The following BCAS3 variants were observed in gnomAD, a reference collection of about 807,000 sequenced individuals.
The protein encoded by BCAS3 is BCAS3 microtubule associated cell migration factor, also known as BCAS4/BCAS3 fusion.
A neutral mutation model predicts 116.1 loss-of-function variants in BCAS3; 53 were observed. The ratio of observed to expected loss-of-function variants is 0.46; its 90% CI spans 0.37 to 0.57. The LOEUF (loss-of-function observed/expected upper bound fraction) is 0.57. Ranked by LOEUF, BCAS3 falls within the 20% of genes least tolerant of loss-of-function variation. The probability of loss-of-function intolerance (pLI) is 0.00; values close to 1 mark genes in which losing one functional copy is unlikely to be tolerated. For missense variants in BCAS3, 917 were observed against 1,165.4 expected (o/e 0.79, Z 3.10); for synonymous variants, 391 against 408.2 (o/e 0.96, Z 0.51).
chr17:61,288,404 G>A (rs1269754392), intron 22 of BCAS3, among the ~76,000 whole-genome samples: 1 of 152,174 alleles, frequency 6.6e-6, no homozygotes, highest in Non-Finnish European at 1.5e-5. Context: ...GTGGATCCAG[G>A]CAGCAAGGGC....
chr17:61,034,117 G>T lies in BCAS3; in HGVS notation c.1638-549G>T, dbSNP rs1396881395. ...TGATTAGCTATTCTTCCCTTGCACT[G>T]TCTAACTCTCCATAGCATTGTGGCC... On this transcript the variant is annotated intron_variant, in intron 16 of 23. Coordinates refer to ENST00000407086, the MANE Select transcript of BCAS3 (RefSeq NM_017679.5). The surrounding 1 kb of genome is among the most constrained non-coding windows in gnomAD (Gnocchi z 5.0). Among the ~76,000 whole-genome samples, 1 of 152,098 alleles carries T rather than the reference G, an allele frequency of 6.6e-6. No homozygotes were observed. The highest frequency in any genetic ancestry group is 1.9e-4 in the East Asian group (1 of 5,190).
chr17:61,388,387 G>T lies in BCAS3; in HGVS notation c.2594-3590G>T. 8.1e-6 allele frequency: 4 copies of T among 493,236 alleles called. No individual in the cohort carries two copies. In the South Asian group the frequency reaches 9.9e-5, roughly 12 times the overall value. The allele number at this position is 493,236 out of a possible 1,614,324, so 30.6% of individuals were successfully genotyped here. On this transcript the variant is annotated intron_variant, in intron 23 of 23. Transcript: ENST00000407086. The surrounding 1 kb of genome is among the most constrained non-coding windows in gnomAD (Gnocchi z 6.5). ...CTCCCCCTCCCCCACTCTGAACGGG[G>T]TCTTGGCCCCCTCTGTCACAGCAGA...
At chr17:60,810,840 A>T in intron 7 of BCAS3, 1 of 700,238 alleles carries the variant, frequency 1.4e-6, no homozygotes, top group Non-Finnish European at 2.6e-6. Context: ...AAGTCCTACA[A>T]GCCCAGACTG....
chr17:60,924,356 G>T lies in BCAS3; in HGVS notation c.994-51G>T, dbSNP rs372993220. ...TGCCTTCTTATAGGCTTCAAGCTCGGTTATCAGTGAGAAAATATTTACCTC... is the reference window on the plus strand; with the variant it reads ...TGCCTTCTTATAGGCTTCAAGCTCGTTTATCAGTGAGAAAATATTTACCTC... On this transcript the variant is annotated intron_variant, in intron 12 of 23. Coordinates refer to ENST00000407086, the MANE Select transcript of BCAS3 (RefSeq NM_017679.5). The T allele has an allele frequency of 2.9e-5, 44 of 1,526,912 alleles. No homozygotes were observed. In the African/African-American group the frequency reaches 5.9e-4, roughly 20 times the overall value. The allele number at this position is 1,526,912 out of a possible 1,614,324, so 94.6% of individuals were successfully genotyped here. A position where few individuals can be genotyped will look rare whatever the true frequency, so the allele number is the denominator to read the frequency against.
rs1182805092 is a variant in BCAS3, at chr17:61,282,751, G to A, written c.2426-85576G>A. On this transcript the variant is annotated intron_variant, in intron 22 of 23. Coordinates refer to ENST00000407086, the MANE Select transcript of BCAS3 (RefSeq NM_017679.5). The surrounding 1 kb of genome is among the most constrained non-coding windows in gnomAD (Gnocchi z 5.9). ...CTCACTTTGAGAGAATTTCCATTTT[G>A]GTTTAATGAGTTGGTCACATTGCAT... is the stretch of plus-strand genomic sequence containing the variant. 2.6e-5 allele frequency among the ~76,000 whole-genome samples: 4 copies of A among 152,022 alleles called. No individual in the cohort carries two copies. The highest frequency in any genetic ancestry group is 5.9e-5 in the Non-Finnish European group (4 of 67,994).
At chr17:60,730,298 G>T (rs758402946) in intron 5 of BCAS3, among the ~76,000 whole-genome samples, 1 of 152,112 alleles carries the variant, frequency 6.6e-6, no homozygotes, top group Non-Finnish European at 1.5e-5. Context: ...TTTGTGTTCT[G>T]TGGTTTTCGT....
intron 22 of BCAS3, among the ~76,000 whole-genome samples, chr17:61,293,000 G>T (rs910094961): frequency 6.6e-6 from 1 of 152,114 alleles, no homozygotes; most frequent in African/African-American, 2.4e-5. Flanking sequence ...TTTATGGGGG[G>T]TTATTCTTGA....
intron 12 of BCAS3, among the ~76,000 whole-genome samples, chr17:60,913,989 A>T (rs897262927): frequency 2.6e-5 from 4 of 152,160 alleles, no homozygotes; most frequent in African/African-American, 9.6e-5. Flanking sequence ...AAAATCTCTA[A>T]TGGAAATAAA....
chr17:60,769,656 C>T (rs2044461043), intron 6 of BCAS3, among the ~76,000 whole-genome samples: 1 of 152,212 alleles, frequency 6.6e-6, no homozygotes, highest in Non-Finnish European at 1.5e-5. Context: ...CAGCAGCCTG[C>T]AGCAGTGGCA....
intron 15 of BCAS3, among the ~76,000 whole-genome samples, chr17:61,015,505 G>C (rs560787024): frequency 6.6e-6 from 1 of 152,186 alleles, no homozygotes; most frequent in African/African-American, 2.4e-5. Context: ...GCCCAGGCTG[G>C]CCTCAAACTC....
intron 14 of BCAS3, among the ~76,000 whole-genome samples, chr17:60,987,384 TAG>T (rs1301025763): frequency 6.6e-6 from 1 of 151,866 alleles, no homozygotes; most frequent in Non-Finnish European, 1.5e-5. Context: ...AAGAATGTCA[TAG>T]GTATTTTGAT....
rs1488994738 is a variant in BCAS3, at chr17:61,068,687, A to G, written c.2030-6233A>G. Among the ~76,000 whole-genome samples the G allele has an allele frequency of 6.6e-6, 1 of 152,076 alleles. No homozygotes were observed. Among genetic ancestry groups the G allele is most frequent in the Non-Finnish European group, 1.5e-5 (1 of 68,016 alleles). ...ATTGAAGACATAAGTTTTCACCGCC[A>G]TTGGTCCCTAAAACTTCTTCTGGGA... On this transcript the variant is annotated intron_variant, in intron 19 of 23. Transcript: ENST00000407086. This position sits in a 1 kb window ranked among gnomAD's most constrained non-coding sequence, Gnocchi z 4.3.
At chr17:61,110,753 G>GGCCT (rs1270562365) in intron 22 of BCAS3, among the ~76,000 whole-genome samples, 7 of 152,136 alleles carry the variant, frequency 4.6e-5, no homozygotes, top group African/African-American at 1.7e-4. Context: ...AGCTCAAGGA[G>GGCCT]GCCTGCCTGC....
chr17:61,155,766 A>C (rs935334749), intron 22 of BCAS3, among the ~76,000 whole-genome samples: 4 of 152,224 alleles, frequency 2.6e-5, no homozygotes, highest in Non-Finnish European at 4.4e-5. Context: ...AGCATTGAGA[A>C]CAAATGTAAA....
chr17:60,910,709 A>G lies in BCAS3; in HGVS notation c.993+7A>G, dbSNP rs181584669. On this transcript the variant is annotated splice_region_variant and intron_variant, in intron 12 of 23. Coordinates refer to ENST00000407086, the MANE Select transcript of BCAS3 (RefSeq NM_017679.5). ...AACCGTTGGAGAGGGCCAGGTAAGA[A>G]GAACTTTTGGTGCGTACCATGTGTG... 6.9e-5 allele frequency: 110 copies of G among 1,599,900 alleles called. No individual in the cohort carries two copies. Among genetic ancestry groups the G allele is most frequent in the Middle Eastern group, 1.7e-4 (1 of 6,008 alleles).
intron 5 of BCAS3, among the ~76,000 whole-genome samples, chr17:60,725,780 G>A (rs2039763339): frequency 6.6e-6 from 1 of 152,182 alleles, no homozygotes; most frequent in Admixed American, 6.5e-5. Flanking sequence ...TTAGGATAGA[G>A]GTATGAATAC....
At chr17:60,858,398 A>G (rs1311907889) in intron 7 of BCAS3, among the ~76,000 whole-genome samples, 6 of 150,036 alleles carry the variant, frequency 4.0e-5, no homozygotes, top group Admixed American at 1.3e-4. Context: ...TTTTTTTTTT[A>G]ACTTTTCATA....
chr17:61,254,290 G>T (rs1439695689), intron 22 of BCAS3, among the ~76,000 whole-genome samples: 1 of 152,166 alleles, frequency 6.6e-6, no homozygotes, highest in Non-Finnish European at 1.5e-5. Context: ...CGTAAAGAGG[G>T]CTTGCTTTCA....
chr17:60,710,643 G>A (rs1477005861), intron 5 of BCAS3, among the ~76,000 whole-genome samples: 2 of 151,834 alleles, frequency 1.3e-5, no homozygotes, highest in African/African-American at 2.4e-5. Flanking sequence ...ACGTTAGCCA[G>A]GATGATCTTG....
Sources: allele counts gnomAD v4.1 joint callset (sites outside exome capture counted in the v4.1 genomes callset), GRCh38; gene constraint gnomAD v4.1.1; non-coding constraint Gnocchi (gnomAD v3.1); transcripts MANE v1.5; gene names NCBI Gene and HGNC (gene_info 2026-07-23, HGNC 2026-07-21).